The following ARFGEF1 variants were observed in gnomAD, a reference collection of about 807,000 sequenced individuals.
The protein encoded by ARFGEF1 is brefeldin A-inhibited guanine nucleotide-exchange protein 1.
A neutral mutation model predicts 231.0 loss-of-function variants in ARFGEF1; 42 were observed. That is an observed-to-expected ratio of 0.18 (90% CI 0.14 to 0.24). The LOEUF (loss-of-function observed/expected upper bound fraction) is 0.24, where lower values mean the gene tolerates loss of function less well. ARFGEF1 is among the 10% of genes least tolerant of loss of function. The pLI, the probability that ARFGEF1 is intolerant of heterozygous loss-of-function variation, is 1.00. For missense variants in ARFGEF1, 1,345 were observed against 2,192.0 expected (o/e 0.61, Z 7.72); for synonymous variants, 710 against 732.3 (o/e 0.97, Z 0.49).
At chr8:67,315,005 C>T (rs1807239866) in intron 1 of ARFGEF1, among the ~76,000 whole-genome samples, 2 of 152,126 alleles carry the variant, frequency 1.3e-5, no homozygotes, top group African/African-American at 4.8e-5. Context: ...GGTGACAGAG[C>T]AAGACCCTGT....
At chr8:67,254,481 T>C (rs367638282) in intron 17 of ARFGEF1, among the ~76,000 whole-genome samples, 3 of 152,302 alleles carry the variant, frequency 2.0e-5, no homozygotes, top group South Asian at 4.1e-4. Context: ...ATAATTCCTG[T>C]AAATTTACAT....
chr8:67,216,178 A>G (rs1159434193), intron 33 of ARFGEF1, among the ~76,000 whole-genome samples: 1 of 152,216 alleles, frequency 6.6e-6, no homozygotes, highest in Non-Finnish European at 1.5e-5. Flanking sequence ...CATTGCAATG[A>G]TATGAATGTT....
At chr8:67,296,654 CTTT>C in intron 4 of ARFGEF1, 44 bp from the exon 5 acceptor site, 5 of 1,169,018 alleles carry the variant, frequency 4.3e-6, no homozygotes, top group Non-Finnish European at 4.6e-6. Context: ...TTTTCTTTTT[CTTT>C]TTTTTTTTGG....
At chr8:67,237,948 G>A (rs1243491474) in intron 22 of ARFGEF1, among the ~76,000 whole-genome samples, 1 of 152,186 alleles carries the variant, frequency 6.6e-6, no homozygotes, top group Non-Finnish European at 1.5e-5. Flanking sequence ...GGGGAGCCAT[G>A]GGGAGAGGTT....
chr8:67,195,935 C>T (rs1837854575), downstream of ARFGEF1: 1 of 193,780 alleles, frequency 5.2e-6, no homozygotes, highest in Non-Finnish European at 1.1e-5. Context: ...CCGGACTCCC[C>T]TTTGTTACAT....
At chr8:67,238,267 T>C (rs1193836858) in intron 22 of ARFGEF1, 76 bp downstream of exon 22, 2 of 1,374,518 alleles carry the variant, frequency 1.5e-6, no homozygotes, top group East Asian at 4.9e-5. Flanking sequence ...CTTCTAATTA[T>C]ATTTCATTAC....
intron 1 of ARFGEF1, among the ~76,000 whole-genome samples, chr8:67,311,301 C>T (rs1251310795): frequency 3.8e-5 from 5 of 132,794 alleles, no homozygotes; most frequent in Admixed American, 1.4e-4. Flanking sequence ...GGGGTCAGCC[C>T]CCCCGCCCGG....
At chr8:67,276,493 T>A (rs1310128675) in intron 8 of ARFGEF1, among the ~76,000 whole-genome samples, 1 of 152,128 alleles carries the variant, frequency 6.6e-6, no homozygotes, top group African/African-American at 2.4e-5. Context: ...ATTTTATTTT[T>A]TCTCTCACTC....
At chr8:67,304,156 G>A (rs1806630998) in intron 1 of ARFGEF1, among the ~76,000 whole-genome samples, 2 of 152,168 alleles carry the variant, frequency 1.3e-5, no homozygotes, top group Admixed American at 1.3e-4. Flanking sequence ...ATCACTAACT[G>A]AGCATCTTTC....
rs1839324387 is a variant in ARFGEF1, at chr8:67,225,046, A to T, written c.4078-13T>A. On this transcript the variant is annotated splice_polypyrimidine_tract_variant and intron_variant, in intron 28 of 38. Transcript: ENST00000262215. ...ATTCCTTGAAAGCCTTCAAGAAAAA[A>T]GGTAGGGTTATTAAAGGCAAAACAT... The T allele has an allele frequency of 2.5e-6, 4 of 1,581,880 alleles. No individual in the cohort carries two copies. The highest frequency in any genetic ancestry group is 3.4e-6 in the Non-Finnish European group (4 of 1,166,734).
chr8:67,339,852 TAAGA>T (rs1250383006), intron 1 of ARFGEF1, among the ~76,000 whole-genome samples: 3 of 134,410 alleles, frequency 2.2e-5, no homozygotes, highest in Non-Finnish European at 4.7e-5. Context: ...AAGTCTGACA[TAAGA>T]AAATTTGAAA....
At chr8:67,257,598 C>A in intron 17 of ARFGEF1, 134 bp downstream of exon 17, 1 of 696,202 alleles carries the variant, frequency 1.4e-6, no homozygotes, top group Non-Finnish European at 2.4e-6. Context: ...TGTTCACCAT[C>A]CCAAATTAAA....
At chr8:67,217,034 G>A (rs1186166546) in intron 32 of ARFGEF1, among the ~76,000 whole-genome samples, 1 of 151,670 alleles carries the variant, frequency 6.6e-6, no homozygotes, top group African/African-American at 2.4e-5. Context: ...GCCAGGCGCG[G>A]TGGCTCACGC....
At chr8:67,194,731 AT>A (rs1354543695), downstream of ARFGEF1, among the ~76,000 whole-genome samples, 1 of 151,962 alleles carries the variant, frequency 6.6e-6, no homozygotes. Context: ...AGGAAGACAG[AT>A]TTTCCTATTA....
chr8:67,269,113 T>C (rs974929223), intron 10 of ARFGEF1, among the ~76,000 whole-genome samples: 31 of 152,300 alleles, frequency 2.0e-4, no homozygotes, highest in African/African-American at 6.5e-4. Flanking sequence ...GGACCTATAA[T>C]GTATGTATGT....
At chr8:67,319,681 A>C (rs1457898646) in intron 1 of ARFGEF1, among the ~76,000 whole-genome samples, 1 of 152,206 alleles carries the variant, frequency 6.6e-6, no homozygotes, top group African/African-American at 2.4e-5. Context: ...AGCATGTGAC[A>C]TAAAAGAAAA....
chr8:67,289,469 G>A (rs1163590105), intron 6 of ARFGEF1, among the ~76,000 whole-genome samples: 1 of 146,056 alleles, frequency 6.8e-6, no homozygotes, highest in Non-Finnish European at 1.5e-5. Flanking sequence ...TGGAAGGATC[G>A]CTTGCGCCTG....
chr8:67,271,949 AAAG>A lies in ARFGEF1; in HGVS notation c.1338-16_1338-14del. 1 of 1,551,202 alleles carries A rather than the reference AAAG, an allele frequency of 6.4e-7. No individual in the cohort carries two copies. Among genetic ancestry groups the A allele is most frequent in the Non-Finnish European group, 8.8e-7 (1 of 1,132,656 alleles). ...TAGTTCATGAGACCTAAAATGTAAA[AAAG>A]AAGGCATAGTATATGAACAAGGTTG... On this transcript the variant is annotated splice_polypyrimidine_tract_variant and intron_variant, in intron 9 of 38. Transcript: ENST00000262215.
intron 34 of ARFGEF1, among the ~76,000 whole-genome samples, chr8:67,208,731 G>A (rs1322367928): frequency 6.6e-6 from 1 of 151,496 alleles, no homozygotes; most frequent in Non-Finnish European, 1.5e-5. Context: ...CCAAAGGCAT[G>A]ACTAACAAAA....
Sources: allele counts gnomAD v4.1 joint callset (sites outside exome capture counted in the v4.1 genomes callset), GRCh38; gene constraint gnomAD v4.1.1; transcripts MANE v1.5; gene names NCBI Gene and HGNC (gene_info 2026-07-23, HGNC 2026-07-21).